HNMT: variants seen among roughly 807,000 people sequenced by gnomAD.
HNMT encodes the protein histamine N-methyltransferase.
Under a neutral mutation model 32.1 loss-of-function variants are expected in HNMT, and 30 were observed. That is an observed-to-expected ratio of 0.93 (90% CI 0.70 to 1.27). The LOEUF is 1.27. Ranked by LOEUF, HNMT falls within the 50% of genes most tolerant of loss-of-function variation. The pLI, the probability that HNMT is intolerant of heterozygous loss-of-function variation, is 0.00. For missense variants in HNMT, 327 were observed against 346.0 expected (o/e 0.95, Z 0.43); for synonymous variants, 125 against 119.0 (o/e 1.05, Z -0.33).
At chr2:137,971,187 T>A (rs1248716945) in intron 2 of HNMT, among the ~76,000 whole-genome samples, 2 of 139,782 alleles carry the variant, frequency 1.4e-5, no homozygotes, top group South Asian at 2.2e-4. Context: ...CCTAAGCACC[T>A]TTTTTTTTTT....
At chr2:137,996,136 C>T (rs1680986170) in intron 2 of HNMT, among the ~76,000 whole-genome samples, 1 of 152,202 alleles carries the variant, frequency 6.6e-6, no homozygotes, top group South Asian at 2.1e-4. Flanking sequence ...TCTCTCACCA[C>T]TCCTATTCAA....
At chr2:137,993,568 A>G (rs1213119915) in intron 2 of HNMT, among the ~76,000 whole-genome samples, 1 of 152,174 alleles carries the variant, frequency 6.6e-6, no homozygotes, top group African/African-American at 2.4e-5. Context: ...TCCAAGAAGG[A>G]GATGGAGAGA....
intron 1 of HNMT, 83 bp downstream of exon 1, chr2:137,964,711 C>CG: frequency 4.3e-6 from 6 of 1,396,724 alleles, no homozygotes; most frequent in South Asian, 1.2e-5. Context: ...CTCAGCCTCG[C>CG]AGGCTGGGCA....
rs1173194279 is a variant in HNMT at position 138,014,727 on chromosome 2, C to CT, written c.*602dup. 1 of 151,424 alleles carries CT rather than the reference C, an allele frequency of 6.6e-6. No homozygotes were observed. Among genetic ancestry groups the CT allele is most frequent in the Non-Finnish European group, 1.5e-5 (1 of 67,812 alleles). The allele number at this position is 151,424 out of a possible 1,614,324, so 9.4% of individuals were successfully genotyped here. A position where few individuals can be genotyped will look rare whatever the true frequency, so the allele number is the denominator to read the frequency against. Reference sequence around the variant, plus strand: ...TGTGAATTAATAGCTTTTTGTTTGTCTTTTTGATATACTGAAGTTTTCTAT... The same window carrying CT: ...TGTGAATTAATAGCTTTTTGTTTGTCTTTTTTGATATACTGAAGTTTTCTAT... On this transcript the variant is annotated 3_prime_UTR_variant, in exon 6 of 6. Transcript: ENST00000280097.
Position 138,013,892 on chromosome 2 carries a change from A to G in HNMT, c.641A>G (p.Lys214Arg), listed in dbSNP as rs1242716972. The G allele has an allele frequency of 6.2e-7, 1 of 1,613,700 alleles. No homozygotes were observed. Among genetic ancestry groups the G allele is most frequent in the Non-Finnish European group, 8.5e-7 (1 of 1,179,816 alleles). ...CAGATGCTGGACAACCTAGGGCTTA[A>G]GTATGAGTGCTATGACCTTTTGTCC... The part of the protein sequence containing the change: ...LTQMLDNLGL[K>R]YECYDLLSTM... The change falls in exon 6 of 6, where the codon AAG becomes AGG. Residue 214 changes from lysine to arginine, a missense_variant. By Grantham distance (26) the Lys-to-Arg change is conservative. Coordinates refer to ENST00000280097, the MANE Select transcript of HNMT (RefSeq NM_006895.3).
intron 2 of HNMT, among the ~76,000 whole-genome samples, chr2:137,975,704 A>G (rs1173759245): frequency 6.6e-6 from 1 of 152,228 alleles, no homozygotes; most frequent in Non-Finnish European, 1.5e-5. Flanking sequence ...TAGGAACTGG[A>G]AGATCCAGTG....
chr2:137,981,380 T>C (rs373635105), intron 2 of HNMT: 9 of 1,609,248 alleles, frequency 5.6e-6, no homozygotes, highest in Non-Finnish European at 6.8e-6. Flanking sequence ...ATTTCCCTCA[T>C]TCCTAGTTTC....
chr2:137,979,385 C>T (rs1223608001), intron 2 of HNMT, among the ~76,000 whole-genome samples: 1 of 151,730 alleles, frequency 6.6e-6, no homozygotes, highest in Non-Finnish European at 1.5e-5. Flanking sequence ...ATTCTCCTGC[C>T]TCAGCCTCCC....
intron 2 of HNMT, among the ~76,000 whole-genome samples, chr2:137,999,626 T>C (rs1294089312): frequency 6.6e-6 from 1 of 152,180 alleles, no homozygotes; most frequent in African/African-American, 2.4e-5. Context: ...ATGCCAAATG[T>C]TAAAGACTAA....
intron 2 of HNMT, among the ~76,000 whole-genome samples, chr2:137,990,106 A>T (rs1212855213): frequency 6.6e-6 from 1 of 152,190 alleles, no homozygotes; most frequent in Non-Finnish European, 1.5e-5. Flanking sequence ...TCAGCTTATT[A>T]ATTACTTATT....
At chr2:137,989,778 A>G (rs1355445538) in intron 2 of HNMT, among the ~76,000 whole-genome samples, 1 of 152,052 alleles carries the variant, frequency 6.6e-6, no homozygotes, top group African/African-American at 2.4e-5. Context: ...AGTGCTCTGG[A>G]TTTTGGCCCT....
chr2:138,013,816 C>T lies in HNMT; in HGVS notation c.565C>T (p.Arg189Cys), dbSNP rs758520973. Reference protein sequence around the residue: ...WDKLWKKYGSRFPQDDLCQYI... With the variant: ...WDKLWKKYGSCFPQDDLCQYI... Reference sequence around the variant, plus strand: ...CAAGCTGTGGAAAAAGTACGGATCACGCTTTCCCCAGGATGACCTCTGCCA... The same window carrying T: ...CAAGCTGTGGAAAAAGTACGGATCATGCTTTCCCCAGGATGACCTCTGCCA... The change falls in exon 6 of 6, where the codon CGC becomes TGC. Residue 189 changes from arginine to cysteine, a missense_variant. By Grantham distance (180) the Arg-to-Cys change is radical. Transcript: ENST00000280097. 9.9e-6 allele frequency: 16 copies of T among 1,613,330 alleles called. No homozygotes were observed. Among genetic ancestry groups the T allele is most frequent in the South Asian group, 4.4e-5 (4 of 91,066 alleles).
chr2:137,970,329 C>A (rs189463236), intron 2 of HNMT, 112 bp downstream of exon 2: 7 of 548,424 alleles, frequency 1.3e-5, no homozygotes, highest in East Asian at 6.1e-5. Flanking sequence ...TGGAAGAGAT[C>A]GGCTTATTAA....
intron 2 of HNMT, among the ~76,000 whole-genome samples, chr2:137,978,332 TTA>T (rs1259444515): frequency 6.8e-6 from 1 of 146,960 alleles, no homozygotes; most frequent in Non-Finnish European, 1.5e-5. Flanking sequence ...TATTACATAA[TTA>T]TATAATATAT....
chr2:138,008,129 C>T (rs1187725111), intron 5 of HNMT, among the ~76,000 whole-genome samples: 1 of 151,986 alleles, frequency 6.6e-6, no homozygotes, highest in East Asian at 1.9e-4. Context: ...TTCTGCTCCT[C>T]TTTCTCCCCC....
intron 3 of HNMT, among the ~76,000 whole-genome samples, chr2:138,001,552 T>C (rs1359800332): frequency 6.6e-6 from 1 of 152,190 alleles, no homozygotes; most frequent in African/African-American, 2.4e-5. Context: ...TTTCATATCA[T>C]TTTCACATAT....
rs1298296361 is a variant in HNMT at position 138,016,168 on chromosome 2, G to C, written c.*2038G>C. The C allele has an allele frequency of 6.6e-6, 1 of 152,108 alleles. No homozygotes were observed. The highest frequency in any genetic ancestry group is 1.5e-5 in the Non-Finnish European group (1 of 68,000). 9.4% of individuals were successfully genotyped at this position (152,108 alleles called of 1,614,324 possible). The stretch of plus-strand genomic sequence containing the variant: ...AAAGTGCTCAGCATGAATTTGGAAT[G>C]TTGTTTTATGTATTGTTGTGGATCT... On this transcript the variant is annotated 3_prime_UTR_variant, in exon 6 of 6. Transcript: ENST00000280097.
intron 1 of HNMT, among the ~76,000 whole-genome samples, chr2:137,968,029 C>T (rs1680012269): frequency 6.6e-6 from 1 of 152,220 alleles, no homozygotes; most frequent in South Asian, 2.1e-4. Context: ...GAGTAGCTCA[C>T]TGAATAATTG....
intron 2 of HNMT, among the ~76,000 whole-genome samples, chr2:137,976,890 T>A (rs1680304196): frequency 6.6e-6 from 1 of 152,152 alleles, no homozygotes; most frequent in South Asian, 2.1e-4. Flanking sequence ...GACAGATAAG[T>A]TACAGATTCA....
Sources: gnomAD v4.1 joint callset for allele counts (sites outside exome capture counted in the v4.1 genomes callset) on GRCh38, gnomAD v4.1.1 for gene constraint, MANE v1.5 for transcripts, NCBI Gene and HGNC (gene_info 2026-07-23, HGNC 2026-07-21) for gene names.